Variants in CACNA1C observed in about 807,000 individuals in gnomAD.
CACNA1C encodes voltage-dependent L-type calcium channel subunit alpha-1C.
CACNA1C carries 30 observed loss-of-function variants against 229.0 expected under a neutral mutation model. The observed-to-expected ratio is 0.13, with a 90% CI of 0.10 to 0.18. The LOEUF (loss-of-function observed/expected upper bound fraction) is 0.18, where lower values mean the gene tolerates loss of function less well. Among genes scored for constraint, CACNA1C ranks in the 10% least tolerant of loss-of-function variants. The probability of loss-of-function intolerance (pLI) is 1.00; values close to 1 mark genes in which losing one functional copy is unlikely to be tolerated. For missense variants in CACNA1C, 1,658 were observed against 2,845.0 expected (o/e 0.58, Z 9.49); for synonymous variants, 1,114 against 1,132.5 (o/e 0.98, Z 0.33).
rs140634648 is a variant in CACNA1C, at chr12:2,412,905, A to G, written c.478-36071A>G. Among the ~76,000 whole-genome samples, 695 of 152,374 alleles carry G rather than the reference A, an allele frequency of 4.6e-3. 6 individuals carry two copies. Among genetic ancestry groups the G allele is most frequent in the African/African-American group, 0.013 (550 of 41,594 alleles). ...ACACTGAGAAAAGACTCTGAAAAGC[A>G]TGCAACTCTGTCCAAGCCTAACAAT... is the stretch of plus-strand genomic sequence containing the variant. On this transcript the variant is annotated intron_variant, in intron 3 of 46. Transcript: ENST00000399655.
At chr12:2,446,582 G>C (rs950186494) in intron 3 of CACNA1C, among the ~76,000 whole-genome samples, 4 of 150,898 alleles carry the variant, frequency 2.7e-5, no homozygotes, top group African/African-American at 9.8e-5. Flanking sequence ...TGAATGGATG[G>C]ATGGATGAAT....
rs115102702 is a variant in CACNA1C at position 2,364,540 on chromosome 12, G to A, written c.478-84436G>A. Among the ~76,000 whole-genome samples the A allele has an allele frequency of 7.6e-3, 1,156 of 152,268 alleles. 9 individuals are homozygous for A. Among genetic ancestry groups the A allele is most frequent in the African/African-American group, 0.026 (1,067 of 41,554 alleles). Reference sequence around the variant, plus strand: ...CTTCTTAATACCGTTCAGAAAATAGGTACAGAGGCAACAGTCCCAATCTTC... The same window carrying A: ...CTTCTTAATACCGTTCAGAAAATAGATACAGAGGCAACAGTCCCAATCTTC... On this transcript the variant is annotated intron_variant, in intron 3 of 46. Transcript: ENST00000399655.
At chr12:2,239,520 T>C (rs531139207) in intron 3 of CACNA1C, among the ~76,000 whole-genome samples, 1 of 152,140 alleles carries the variant, frequency 6.6e-6, no homozygotes, top group South Asian at 2.1e-4. Context: ...AGCTGCTGGG[T>C]CTCAGCTCTT....
intron 5 of CACNA1C, among the ~76,000 whole-genome samples, chr12:2,459,835 G>A (rs573247284): frequency 2.3e-4 from 35 of 152,276 alleles, no homozygotes; most frequent in African/African-American, 7.5e-4. Context: ...CAATGACCCC[G>A]ACCTGTTATC....
At position 2,630,283 on chromosome 12, in the gene CACNA1C, T is replaced by C. The variant is rs2089740813; in HGVS notation, c.3829-4014T>C. Among the ~76,000 whole-genome samples, 1 of 152,066 alleles carries C rather than the reference T, an allele frequency of 6.6e-6. No individual in the cohort carries two copies. The highest frequency in any genetic ancestry group is 2.1e-4 in the South Asian group (1 of 4,806). On this transcript the variant is annotated intron_variant, in intron 29 of 46. Coordinates refer to ENST00000399655, the MANE Select transcript of CACNA1C (RefSeq NM_000719.7). The surrounding 1 kb of genome is among the most constrained non-coding windows in gnomAD (Gnocchi z 5.4). ...TTTTTTCCCACCCTCCCTTCTCCAT[T>C]ACACCCTTAAAACCCCTATTACTAA...
intron 13 of CACNA1C, among the ~76,000 whole-genome samples, chr12:2,578,360 G>A (rs530802197): frequency 2.6e-5 from 4 of 152,272 alleles, no homozygotes; most frequent in South Asian, 2.1e-4. Context: ...GAAGGGGAGT[G>A]CAGCTGGCTG....
chr12:2,202,409 C>G (rs1038267077), intron 3 of CACNA1C, among the ~76,000 whole-genome samples: 6 of 152,226 alleles, frequency 3.9e-5, no homozygotes, highest in African/African-American at 1.4e-4. Context: ...AGGTCTTTAT[C>G]TCAGTTGAAA....
chr12:2,510,768 C>T (rs2099781876), intron 8 of CACNA1C, among the ~76,000 whole-genome samples: 1 of 152,212 alleles, frequency 6.6e-6, no homozygotes, highest in African/African-American at 2.4e-5. Flanking sequence ...TCCAAACCCA[C>T]CCCAGAGGGG....
intron 18 of CACNA1C, among the ~76,000 whole-genome samples, chr12:2,590,706 A>C (rs928767536): frequency 2.6e-5 from 4 of 152,224 alleles, no homozygotes; most frequent in Non-Finnish European, 5.9e-5. Context: ...TGCAGATGTA[A>C]GAGCCTGCAC....
chr12:2,484,928 C>G (rs1245599058), intron 5 of CACNA1C, among the ~76,000 whole-genome samples: 2 of 141,226 alleles, frequency 1.4e-5, no homozygotes, highest in African/African-American at 5.4e-5. Context: ...TTTTTATCTT[C>G]CCAGCTTGGC....
At chr12:2,258,600 G>A (rs2078883254) in intron 3 of CACNA1C, among the ~76,000 whole-genome samples, 1 of 152,160 alleles carries the variant, frequency 6.6e-6, no homozygotes, top group African/African-American at 2.4e-5. Flanking sequence ...CTCCTCAGTG[G>A]GGTAACTGGG....
At chr12:2,519,382 A>C (rs1463691686) in intron 9 of CACNA1C, among the ~76,000 whole-genome samples, 2 of 152,210 alleles carry the variant, frequency 1.3e-5, no homozygotes, top group African/African-American at 4.8e-5. Context: ...GTGAGCTCAC[A>C]CTGCCCCTGG....
chr12:2,078,400 G>A (rs1180906843), intron 1 of CACNA1C, among the ~76,000 whole-genome samples: 1 of 152,048 alleles, frequency 6.6e-6, no homozygotes, highest in Non-Finnish European at 1.5e-5. Context: ...TATTCAGCCT[G>A]AAAAAAAGAA....
intron 1 of CACNA1C, among the ~76,000 whole-genome samples, chr12:2,039,507 G>C (rs1421701767): frequency 1.3e-5 from 2 of 152,214 alleles, no homozygotes; most frequent in Non-Finnish European, 2.9e-5. Flanking sequence ...AGCACTTACT[G>C]TGAGCCAAGT....
chr12:2,272,383 TCTGCCTC>T (rs1223921192), intron 3 of CACNA1C, among the ~76,000 whole-genome samples: 1 of 152,212 alleles, frequency 6.6e-6, no homozygotes, highest in Non-Finnish European at 1.5e-5. Context: ...ATCACCATCC[TCTGCCTC>T]CTGCCTCCTC....
At chr12:2,392,866 G>A (rs2098509158) in intron 3 of CACNA1C, among the ~76,000 whole-genome samples, 1 of 152,140 alleles carries the variant, frequency 6.6e-6, no homozygotes, top group East Asian at 1.9e-4. Flanking sequence ...CAGAAGTATG[G>A]CAGCTAGGGA....
intron 39 of CACNA1C, among the ~76,000 whole-genome samples, chr12:2,675,670 T>C (rs1419194807): frequency 6.6e-6 from 1 of 152,224 alleles, no homozygotes; most frequent in African/African-American, 2.4e-5. Flanking sequence ...TTGTCAGGTG[T>C]GTTAAAACCA....
At chr12:2,070,046 C>T (rs1186776614) in intron 1 of CACNA1C, among the ~76,000 whole-genome samples, 1 of 152,166 alleles carries the variant, frequency 6.6e-6, no homozygotes, top group African/African-American at 2.4e-5. Context: ...CTCAAGTGAT[C>T]TTCCCGCCTT....
intron 3 of CACNA1C, among the ~76,000 whole-genome samples, chr12:2,378,426 C>T (rs1401511426): frequency 4.6e-5 from 7 of 152,126 alleles, no homozygotes; most frequent in East Asian, 3.9e-4. Flanking sequence ...TGGACTGTGC[C>T]GCCACAAAAG....
Sources: allele counts gnomAD v4.1 joint callset (sites outside exome capture counted in the v4.1 genomes callset), GRCh38; gene constraint gnomAD v4.1.1; non-coding constraint Gnocchi (gnomAD v3.1); transcripts MANE v1.5; gene names NCBI Gene and HGNC (gene_info 2026-07-23, HGNC 2026-07-21).